PDE7A: variants seen among roughly 807,000 people sequenced by gnomAD.
The protein encoded by PDE7A is high affinity 3',5'-cyclic-AMP phosphodiesterase 7A.
PDE7A carries 39 observed loss-of-function variants against 64.3 expected under a neutral mutation model. That is an observed-to-expected ratio of 0.61 (90% CI 0.47 to 0.79). The LOEUF (loss-of-function observed/expected upper bound fraction) is 0.79. Among genes scored for constraint, PDE7A ranks in the 30% least tolerant of loss-of-function variants. PDE7A has a pLI of 0.00. For synonymous variants in PDE7A, 203 were observed against 206.8 expected (o/e 0.98, Z 0.16); for missense variants, 470 against 582.8 (o/e 0.81, Z 1.99).
chr8:65,788,956 G>A (rs779706939), intron 1 of PDE7A: 3 of 1,611,318 alleles, frequency 1.9e-6, no homozygotes, highest in Non-Finnish European at 1.7e-6. Flanking sequence ...TCAATCAAAA[G>A]CCCGCTGCAT....
In PDE7A at chr8:65,812,124, T is replaced by G. The variant is rs552154188; in HGVS notation, c.138+29247A>C. On this transcript the variant is annotated intron_variant, in intron 1 of 12. Transcript: ENST00000401827. ...CAGGAGTCTGAGGTGGGAGGATCAT[T>G]TGAACTCAGGAGGTGGAGGCTGCAG... Among the ~76,000 whole-genome samples, 3 of 151,854 alleles carry G rather than the reference T, an allele frequency of 2.0e-5. No homozygotes were observed. The South Asian group carries it at 6.3e-4, about 32-fold the overall frequency.
intron 3 of PDE7A, among the ~76,000 whole-genome samples, chr8:65,751,839 TA>T (rs1807983707): frequency 6.6e-6 from 1 of 152,240 alleles, no homozygotes; most frequent in Admixed American, 6.5e-5. Flanking sequence ...ATTATTTTTC[TA>T]CTTATTTTAC....
In PDE7A at chr8:65,728,649, C is replaced by G. The variant is rs532955184; in HGVS notation, c.697-1348G>C. 5 of 120,732 alleles carry G rather than the reference C, an allele frequency of 4.1e-5. No individual in the cohort carries two copies. In the South Asian group the frequency reaches 7.3e-4, roughly 18 times the overall value. The allele number at this position is 120,732 out of a possible 1,614,324, so 7.5% of individuals were successfully genotyped here. A position where few individuals can be genotyped will look rare whatever the true frequency, so the allele number is the denominator to read the frequency against. ...CAGAATGCATAGGATATAAAGCATA[C>G]TGCATATAAAGCAATCTCCCCTCCT... is the stretch of plus-strand genomic sequence containing the variant. On this transcript the variant is annotated intron_variant, in intron 7 of 12. Transcript: ENST00000401827.
At chr8:65,732,576 G>A (rs972926032) in intron 7 of PDE7A, among the ~76,000 whole-genome samples, 3 of 152,086 alleles carry the variant, frequency 2.0e-5, no homozygotes, top group African/African-American at 4.8e-5. Context: ...GCAGTGCAGT[G>A]GCACTATCAC....
intron 1 of PDE7A, among the ~76,000 whole-genome samples, chr8:65,837,785 G>C (rs946504969): frequency 6.6e-6 from 1 of 152,180 alleles, no homozygotes; most frequent in Non-Finnish European, 1.5e-5. Context: ...AGAAAATAAT[G>C]TGTTTAGGGT....
intron 4 of PDE7A, among the ~76,000 whole-genome samples, chr8:65,746,940 A>G (rs557836030): frequency 5.3e-5 from 8 of 152,358 alleles, no homozygotes; most frequent in Admixed American, 6.5e-5. Flanking sequence ...ATATTAAGTC[A>G]AATATAACTT....
intron 3 of PDE7A, among the ~76,000 whole-genome samples, chr8:65,757,548 C>T (rs915413187): frequency 2.6e-5 from 4 of 152,154 alleles, no homozygotes; most frequent in Non-Finnish European, 4.4e-5. Flanking sequence ...TTCTTTCCGG[C>T]ATCTGGAATA....
rs1201839171 is a variant in PDE7A at position 65,718,600 on chromosome 8, C to T, written c.*690G>A. 1 of 152,386 alleles carries T rather than the reference C, an allele frequency of 6.6e-6. No homozygotes were observed. Among genetic ancestry groups the T allele is most frequent in the East Asian group, 1.9e-4 (1 of 5,200 alleles). The allele number at this position is 152,386 out of a possible 1,614,324, so 9.4% of individuals were successfully genotyped here. On this transcript the variant is annotated 3_prime_UTR_variant, in exon 13 of 13. Transcript: ENST00000401827. The stretch of plus-strand genomic sequence containing the variant: ...AAAAAAATTGCATTGCCAAACGGCA[C>T]TGGAGTGAAAGCTTGGCGGTACTCT...
At chr8:65,838,046 CA>C (rs1222491550) in intron 1 of PDE7A, among the ~76,000 whole-genome samples, 5 of 149,958 alleles carry the variant, frequency 3.3e-5, no homozygotes, top group Non-Finnish European at 7.4e-5. Flanking sequence ...AAAAAAAAGA[CA>C]AATGATAACT....
At chr8:65,790,259 G>C (rs190917275) in intron 1 of PDE7A, among the ~76,000 whole-genome samples, 2 of 152,226 alleles carry the variant, frequency 1.3e-5, no homozygotes, top group African/African-American at 4.8e-5. Flanking sequence ...AGGGCCATGT[G>C]GGGGTGTCTT....
At chr8:65,836,431 A>T (rs1420029134) in intron 1 of PDE7A, among the ~76,000 whole-genome samples, 1 of 152,244 alleles carries the variant, frequency 6.6e-6, no homozygotes, top group African/African-American at 2.4e-5. Flanking sequence ...AAAATGTCTA[A>T]TAATATATGA....
At chr8:65,745,827 C>T (rs1458966137) in intron 4 of PDE7A, among the ~76,000 whole-genome samples, 2 of 152,178 alleles carry the variant, frequency 1.3e-5, no homozygotes, top group Non-Finnish European at 2.9e-5. Flanking sequence ...TGCAAACAAT[C>T]TAATAAAAAT....
At position 65,719,208 on chromosome 8, in the gene PDE7A, G is replaced by C. The variant is rs1249376313; in HGVS notation, c.*82C>G. 15 of 892,334 alleles carry C rather than the reference G, an allele frequency of 1.7e-5. No individual in the cohort carries two copies. The highest frequency in any genetic ancestry group is 2.6e-5 in the Non-Finnish European group (14 of 536,362). 55.3% of individuals were successfully genotyped at this position (892,334 alleles called of 1,614,324 possible). ...CTCACTTGGAAACCTTGGCAGTCAA[G>C]AGTTAAGTTCTCTCACCTCAAGACC... On this transcript the variant is annotated 3_prime_UTR_variant, in exon 13 of 13. Coordinates refer to ENST00000401827, the MANE Select transcript of PDE7A (RefSeq NM_001242318.3).
At chr8:65,828,151 A>T (rs1244932092) in intron 1 of PDE7A, among the ~76,000 whole-genome samples, 1 of 132,190 alleles carries the variant, frequency 7.6e-6, no homozygotes, top group African/African-American at 2.5e-5. Flanking sequence ...TTCATTGTTT[A>T]AAAAAAAAAA....
intron 5 of PDE7A, among the ~76,000 whole-genome samples, chr8:65,742,314 G>C (rs955450361): frequency 6.6e-6 from 1 of 152,204 alleles, no homozygotes; most frequent in Non-Finnish European, 1.5e-5. Flanking sequence ...CTGGCAGCTA[G>C]TGTCCTCATG....
chr8:65,809,827 C>T (rs575343884), intron 1 of PDE7A, among the ~76,000 whole-genome samples: 2 of 152,216 alleles, frequency 1.3e-5, no homozygotes, highest in Non-Finnish European at 1.5e-5. Context: ...GAATGGTGAT[C>T]ATTAAAAAGT....
At chr8:65,723,730 C>T (rs1806491615) in intron 11 of PDE7A, 109 bp from the exon 12 acceptor site, 3 of 726,290 alleles carry the variant, frequency 4.1e-6, no homozygotes, top group East Asian at 6.8e-5. Context: ...CATACTTAAT[C>T]CTCATGAGAG....
At chr8:65,807,536 C>T (rs978343467) in intron 1 of PDE7A, among the ~76,000 whole-genome samples, 8 of 150,266 alleles carry the variant, frequency 5.3e-5, no homozygotes, top group African/African-American at 2.0e-4. Flanking sequence ...TCTTGCCTAA[C>T]TGACTTGGCT....
At chr8:65,755,195 A>G (rs2128910793) in intron 3 of PDE7A, among the ~76,000 whole-genome samples, 1 of 151,292 alleles carries the variant, frequency 6.6e-6, no homozygotes, top group South Asian at 2.1e-4. Context: ...TAATTTTTAT[A>G]TCTTTAGTAG....
Sources: gnomAD v4.1 joint callset for allele counts (sites outside exome capture counted in the v4.1 genomes callset) on GRCh38, gnomAD v4.1.1 for gene constraint, MANE v1.5 for transcripts, NCBI Gene and HGNC (gene_info 2026-07-23, HGNC 2026-07-21) for gene names.